Variants in PDE4D observed in about 807,000 individuals in gnomAD.
The protein encoded by PDE4D is phosphodiesterase 4D.
PDE4D carries 24 observed loss-of-function variants against 87.4 expected under a neutral mutation model. The observed-to-expected ratio is 0.27, with a 90% CI of 0.20 to 0.39. The LOEUF (loss-of-function observed/expected upper bound fraction) is 0.39. PDE4D is among the 10% of genes least tolerant of loss of function. PDE4D has a pLI of 1.00. For missense variants in PDE4D, 714 were observed against 1,041.0 expected, an observed-to-expected ratio of 0.69 and a Z score of 4.32; for synonymous variants, 384 against 383.2, an observed-to-expected ratio of 1.00 and a Z score of -0.02.
chr5:59,892,473 C>T (rs1751092636), intron 1 of PDE4D, among the ~76,000 whole-genome samples: 1 of 152,186 alleles, frequency 6.6e-6, no homozygotes, highest in Non-Finnish European at 1.5e-5. Context: ...CAGTGTAACT[C>T]CCACAGCGTC....
intron 1 of PDE4D, among the ~76,000 whole-genome samples, chr5:59,711,451 C>T (rs1157971510): frequency 6.6e-6 from 1 of 152,106 alleles, no homozygotes; most frequent in Non-Finnish European, 1.5e-5. Context: ...AAATACTCCT[C>T]TGTTGCATAA....
At chr5:60,307,867 C>A (rs138566209) in intron 1 of PDE4D, among the ~76,000 whole-genome samples, 4 of 151,988 alleles carry the variant, frequency 2.6e-5, no homozygotes, top group Admixed American at 6.6e-5. Context: ...ATGGTGAAAC[C>A]CTGTCTTTAC....
At chr5:59,300,491 G>T (rs540395625) in intron 1 of PDE4D, among the ~76,000 whole-genome samples, 24 of 152,200 alleles carry the variant, frequency 1.6e-4, no homozygotes, top group African/African-American at 5.5e-4. Context: ...TTTGAACAAG[G>T]TTTGACCGTC....
intron 1 of PDE4D, among the ~76,000 whole-genome samples, chr5:59,296,885 T>G (rs1035047196): frequency 6.6e-6 from 1 of 152,168 alleles, no homozygotes; most frequent in Non-Finnish European, 1.5e-5. Context: ...AAGAATTCTG[T>G]GCTGATAAAT....
intron 2 of PDE4D, among the ~76,000 whole-genome samples, chr5:60,007,421 A>T (rs1764596817): frequency 6.6e-6 from 1 of 152,030 alleles, no homozygotes; most frequent in South Asian, 2.1e-4. Flanking sequence ...AATCACTGTC[A>T]TCAATATGGA....
At chr5:59,065,054 T>G (rs1392507590) in intron 5 of PDE4D, among the ~76,000 whole-genome samples, 1 of 132,634 alleles carries the variant, frequency 7.5e-6, no homozygotes, top group Admixed American at 7.7e-5. Context: ...ACAAAGGAAA[T>G]GTGATATATA....
chr5:60,208,487 A>G (rs1047534722), intron 1 of PDE4D, among the ~76,000 whole-genome samples: 4 of 152,160 alleles, frequency 2.6e-5, no homozygotes, highest in African/African-American at 9.7e-5. Flanking sequence ...CAGCAAATCT[A>G]TGGGTGCACA....
In PDE4D at chr5:59,328,949, C is replaced by T. The variant is rs115229067; in HGVS notation, c.456-112981G>A. Among the ~76,000 whole-genome samples, 251 of 152,354 alleles carry T rather than the reference C, an allele frequency of 1.6e-3. 2 individuals carry two copies. Among genetic ancestry groups the T allele is most frequent in the African/African-American group, 5.8e-3 (242 of 41,584 alleles). On this transcript the variant is annotated intron_variant, in intron 1 of 14. Coordinates refer to ENST00000340635, the MANE Select transcript of PDE4D (RefSeq NM_001104631.2). Reference sequence around the variant, plus strand: ...CCTGGAAGGGTCCAGAAAAGCGACTCATCTGCTCAGCAGACCTCACTGCCC... The same window carrying T: ...CCTGGAAGGGTCCAGAAAAGCGACTTATCTGCTCAGCAGACCTCACTGCCC...
chr5:59,532,756 A>C (rs1814471598), intron 1 of PDE4D, among the ~76,000 whole-genome samples: 1 of 152,162 alleles, frequency 6.6e-6, no homozygotes, highest in Non-Finnish European at 1.5e-5. Context: ...ATATGGGAAA[A>C]TCTTAAAGCA....
At chr5:59,739,218 G>A (rs1015359801) in intron 1 of PDE4D, among the ~76,000 whole-genome samples, 31 of 152,102 alleles carry the variant, frequency 2.0e-4, no homozygotes, top group South Asian at 2.1e-4. Context: ...TGAGGAGTTC[G>A]AGACTGACCT....
At chr5:59,028,734 A>G (rs895964870) in intron 6 of PDE4D, among the ~76,000 whole-genome samples, 24 of 152,288 alleles carry the variant, frequency 1.6e-4, no homozygotes, top group African/African-American at 5.3e-4. Context: ...TTTCTCCTCT[A>G]GTGGAGAAAT....
Position 59,938,326 on chromosome 5 carries a change from A to G in PDE4D, c.272+50162T>C, listed in dbSNP as rs1324524694. Among the ~76,000 whole-genome samples, 3 of 152,194 alleles carry G rather than the reference A, an allele frequency of 2.0e-5. No homozygotes were observed. The East Asian group carries it at 5.8e-4, about 29-fold the overall frequency. ...GCTCAGTTCACACACTTGCAGGGAC[A>G]CTGGTGTTTACCTGCTAATGGATAG... On this transcript the variant is annotated intron_variant, in intron 3 of 16. Transcript: ENST00000502484.
chr5:59,636,411 C>T (rs996779564), intron 1 of PDE4D, among the ~76,000 whole-genome samples: 1 of 152,138 alleles, frequency 6.6e-6, no homozygotes, highest in African/African-American at 2.4e-5. Flanking sequence ...CAAAAGAGAG[C>T]CCGTATTGCC....
chr5:59,900,261 T>TACAC (rs1475904605), intron 3 of PDE4D, among the ~76,000 whole-genome samples: 3 of 132,850 alleles, frequency 2.3e-5, no homozygotes, highest in African/African-American at 3.2e-5. Context: ...TATATATATA[T>TACAC]ATACACACAC....
chr5:59,058,371 T>A (rs1242056704), intron 5 of PDE4D, among the ~76,000 whole-genome samples: 1 of 152,128 alleles, frequency 6.6e-6, no homozygotes, highest in Non-Finnish European at 1.5e-5. Context: ...ACCCACAGTG[T>A]CCTATAGAGC....
intron 3 of PDE4D, among the ~76,000 whole-genome samples, chr5:59,959,372 T>C (rs1759217375): frequency 6.6e-6 from 1 of 152,190 alleles, no homozygotes; most frequent in South Asian, 2.1e-4. Context: ...TATTCTAAAA[T>C]GTAAAATGGA....
At chr5:59,783,442 A>G (rs1013073412) in intron 1 of PDE4D, among the ~76,000 whole-genome samples, 2 of 152,228 alleles carry the variant, frequency 1.3e-5, no homozygotes, top group Non-Finnish European at 2.9e-5. Context: ...ATAAAAAATG[A>G]GCATCTGTCT....
chr5:59,611,192 A>G (rs1051167186), intron 1 of PDE4D, among the ~76,000 whole-genome samples: 5 of 152,160 alleles, frequency 3.3e-5, no homozygotes, highest in African/African-American at 1.2e-4. Flanking sequence ...AGCAGATTGG[A>G]TATCTGGTGA....
At chr5:60,285,956 G>A (rs1752380120) in intron 1 of PDE4D, among the ~76,000 whole-genome samples, 1 of 152,180 alleles carries the variant, frequency 6.6e-6, no homozygotes, top group African/African-American at 2.4e-5. Context: ...GTTTCAGAGT[G>A]CACAAGGAAA....
Sources: gnomAD v4.1 joint callset for allele counts (sites outside exome capture counted in the v4.1 genomes callset) on GRCh38, gnomAD v4.1.1 for gene constraint, MANE v1.5 for transcripts, NCBI Gene and HGNC (gene_info 2026-07-23, HGNC 2026-07-21) for gene names.